The following IL1RAPL1 variants were observed in gnomAD, a reference collection of about 807,000 sequenced individuals.
The protein encoded by IL1RAPL1 is interleukin 1 receptor accessory protein like 1.
Under a neutral mutation model 48.4 loss-of-function variants are expected in IL1RAPL1, and 3 were observed. That is an observed-to-expected ratio of 0.06 (90% CI 0.03 to 0.16). The LOEUF (loss-of-function observed/expected upper bound fraction) is 0.16. Among genes scored for constraint, IL1RAPL1 ranks in the 10% least tolerant of loss-of-function variants. IL1RAPL1 has a pLI of 1.00. For synonymous variants in IL1RAPL1, 185 were observed against 187.7 expected, an observed-to-expected ratio of 0.99 and a Z score of 0.12; for missense variants, 349 against 530.6, an observed-to-expected ratio of 0.66 and a Z score of 3.36.
intron 5 of IL1RAPL1, among the ~76,000 whole-genome samples, chrX:29,603,130 G>A (rs999762162): frequency 9.1e-6 from 1 of 110,074 alleles, no homozygotes; most frequent in Admixed American, 9.7e-5. Context: ...GCTGGGTGTG[G>A]TGATGGGCGC....
At chrX:29,503,183 C>CT (rs1935293127) in intron 5 of IL1RAPL1, among the ~76,000 whole-genome samples, 1 of 111,204 alleles carries the variant, frequency 9.0e-6, no homozygotes, top group South Asian at 3.8e-4. Flanking sequence ...GGCCTTCTGT[C>CT]TTTTTTTCTT....
chrX:28,957,743 C>T (rs373549387), intron 2 of IL1RAPL1, among the ~76,000 whole-genome samples: 13 of 109,226 alleles, frequency 1.2e-4, no homozygotes, highest in Non-Finnish European at 2.1e-4. Context: ...GGGTGGATCA[C>T]GAGGTCAGGA....
At chrX:29,072,347 A>G (rs1046843727) in intron 2 of IL1RAPL1, among the ~76,000 whole-genome samples, 3 of 111,981 alleles carry the variant, frequency 2.7e-5, no homozygotes, top group African/African-American at 9.7e-5. Flanking sequence ...CACTTCACTC[A>G]TAAATGAAGA....
At chrX:28,691,156 A>T (rs1435259991) in intron 1 of IL1RAPL1, among the ~76,000 whole-genome samples, 1 of 110,548 alleles carries the variant, frequency 9.0e-6, no homozygotes, top group Admixed American at 9.7e-5. Flanking sequence ...CTTCAGCCTT[A>T]TCTCCCTCCC....
rs776008451 is a variant in IL1RAPL1 at position 29,585,867 on chromosome X, T to C, written c.704-82563T>C. 6.6e-5 allele frequency among the ~76,000 whole-genome samples: 7 copies of C among 106,457 alleles called. No individual in the cohort carries two copies. In the East Asian group the frequency reaches 2.1e-3, roughly 32 times the overall value. 92.4% of individuals were successfully genotyped at this position (106,457 alleles called of 115,157 possible). The stretch of plus-strand genomic sequence containing the variant: ...CCCATTTTAAAAATTAGATTACTAG[T>C]GTGTTTTTCTGTTTGTTTGTTTGTT... On this transcript the variant is annotated intron_variant, in intron 5 of 10. Coordinates refer to ENST00000378993, the MANE Select transcript of IL1RAPL1 (RefSeq NM_014271.4).
chrX:29,256,987 G>A lies in IL1RAPL1; in HGVS notation c.83-25951G>A, dbSNP rs146062844. 1.2e-3 allele frequency among the ~76,000 whole-genome samples: 132 copies of A among 111,227 alleles called. 2 individuals are homozygous for A. The East Asian group carries it at 0.036, about 30-fold the overall frequency. On this transcript the variant is annotated intron_variant, in intron 2 of 10. Coordinates refer to ENST00000378993, the MANE Select transcript of IL1RAPL1 (RefSeq NM_014271.4). The stretch of plus-strand genomic sequence containing the variant: ...TTTGAATTTGTAATGATAAATATGG[G>A]AGAATTACCCTGTTTTCTTACCTCC...
At chrX:29,696,405 T>C (rs775451376) in intron 6 of IL1RAPL1, among the ~76,000 whole-genome samples, 26 of 112,091 alleles carry the variant, frequency 2.3e-4, no homozygotes, top group Non-Finnish European at 3.6e-4. Context: ...GAGCCCAAAA[T>C]CATATTTCAC....
At chrX:28,773,406 T>A (rs1462128400) in intron 1 of IL1RAPL1, among the ~76,000 whole-genome samples, 2 of 111,834 alleles carry the variant, frequency 1.8e-5, no homozygotes, top group African/African-American at 6.5e-5. Context: ...CTCTTTGACA[T>A]TCACTTTACC....
At chrX:28,960,737 C>A (rs375433754) in intron 2 of IL1RAPL1, among the ~76,000 whole-genome samples, 1 of 110,898 alleles carries the variant, frequency 9.0e-6, no homozygotes, top group African/African-American at 3.3e-5. Context: ...GGCCGGGCGC[C>A]GTGGCTCACG....
intron 1 of IL1RAPL1, among the ~76,000 whole-genome samples, chrX:28,663,127 A>G (rs1934839708): frequency 1.8e-5 from 2 of 112,230 alleles, no homozygotes; most frequent in Non-Finnish European, 3.8e-5. Flanking sequence ...ATTGAAAGGG[A>G]CCAAGCAGAG....
At chrX:29,863,846 GCA>G (rs1445220737) in intron 6 of IL1RAPL1, among the ~76,000 whole-genome samples, 1 of 110,753 alleles carries the variant, frequency 9.0e-6, no homozygotes, top group Non-Finnish European at 1.9e-5. Context: ...GAGTGCAGTG[GCA>G]CAATCTCAGC....
intron 6 of IL1RAPL1, among the ~76,000 whole-genome samples, chrX:29,740,100 A>G (rs7886484): frequency 0.024 from 2,398 of 98,900 alleles, 87 homozygotes; most frequent in African/African-American, 0.089. Context: ...CCATCTCAAA[A>G]CAACAAAAAA....
In IL1RAPL1 at chrX:29,396,286, A is replaced by G; in HGVS notation, c.391A>G (p.Ile131Val). The change falls in exon 4 of 11, where the codon ATC (isoleucine) becomes GTC (valine). Residue 131 changes from isoleucine to valine, a missense_variant. By Grantham distance (29) the Ile-to-Val change is conservative. Transcript: ENST00000378993. ...RNSTYCMKVSISLTVGENDTG... is the reference protein window; with the variant it reads ...RNSTYCMKVSVSLTVGENDTG... ...CTCCACTTACTGTATGAAAGTATCC[A>G]TCTCACTGACAGTGGGTGAAAATGA... 8.3e-7 allele frequency: 1 copy of G among 1,207,438 alleles called. No homozygotes were observed. Among genetic ancestry groups the G allele is most frequent in the Non-Finnish European group, 1.1e-6 (1 of 891,313 alleles).
chrX:29,114,331 A>G (rs1368340093), intron 2 of IL1RAPL1, among the ~76,000 whole-genome samples: 4 of 112,083 alleles, frequency 3.6e-5, no homozygotes, highest in Non-Finnish European at 7.5e-5. Flanking sequence ...CTCTTCTTAG[A>G]TCAGTGTTGA....
chrX:29,323,508 A>C (rs957711585), intron 3 of IL1RAPL1, among the ~76,000 whole-genome samples: 1 of 102,665 alleles, frequency 9.7e-6, no homozygotes, highest in East Asian at 3.2e-4. Flanking sequence ...CACTGTCAAC[A>C]TCCTTCACAA....
intron 2 of IL1RAPL1, among the ~76,000 whole-genome samples, chrX:28,889,497 C>T (rs184106122): frequency 9.9e-5 from 11 of 111,664 alleles, no homozygotes; most frequent in South Asian, 3.7e-4. Flanking sequence ...AATAGTTCCA[C>T]GTGAATTCGA....
At chrX:29,102,128 T>TA (rs370134473) in intron 2 of IL1RAPL1, among the ~76,000 whole-genome samples, 8 of 108,091 alleles carry the variant, frequency 7.4e-5, no homozygotes, top group Admixed American at 3.0e-4. Context: ...CCTTCATGAT[T>TA]AAAAAAAAAC....
At chrX:29,601,447 T>TC (rs1215859399) in intron 5 of IL1RAPL1, among the ~76,000 whole-genome samples, 1 of 111,928 alleles carries the variant, frequency 8.9e-6, no homozygotes, top group Non-Finnish European at 1.9e-5. Context: ...TAGTAGTAAA[T>TC]CCCACAGAGA....
chrX:29,472,656 C>T (rs1318513071), intron 5 of IL1RAPL1, among the ~76,000 whole-genome samples: 1 of 111,735 alleles, frequency 8.9e-6, no homozygotes, highest in Admixed American at 9.6e-5. Flanking sequence ...GCTCTGGACA[C>T]TGGCTGCCTG....
Sources: allele counts gnomAD v4.1 joint callset (sites outside exome capture counted in the v4.1 genomes callset), GRCh38; gene constraint gnomAD v4.1.1; transcripts MANE v1.5; gene names NCBI Gene and HGNC (gene_info 2026-07-23, HGNC 2026-07-21).